The following NTM variants were observed in gnomAD, a reference collection of about 807,000 sequenced individuals.
NTM encodes IgLON family member 2.
In NTM, 13 loss-of-function variants were observed where a neutral mutation model predicts 42.1. That is an observed-to-expected ratio of 0.31 (90% CI 0.20 to 0.49). The LOEUF (loss-of-function observed/expected upper bound fraction) is 0.49, where lower values mean the gene tolerates loss of function less well. NTM is among the 20% of genes least tolerant of loss of function. The pLI is 0.99. For missense variants in NTM, 373 were observed against 452.8 expected (o/e 0.82, Z 1.60); for synonymous variants, 187 against 179.2 (o/e 1.04, Z -0.35).
chr11:132,207,965 GA>G (rs1247577488), intron 3 of NTM, among the ~76,000 whole-genome samples: 1 of 152,166 alleles, frequency 6.6e-6, no homozygotes, highest in Admixed American at 6.5e-5. Flanking sequence ...ACTCCTTGAG[GA>G]AAAGGATGGT....
At position 131,505,051 on chromosome 11, in the gene NTM, G is replaced by A. The variant is rs148472977; in HGVS notation, c.82+134163G>A. On this transcript the variant is annotated intron_variant, in intron 1 of 8. Transcript: ENST00000683400. The stretch of plus-strand genomic sequence containing the variant: ...GTGGGGTATACTGCAGGGGAAAGAG[G>A]TGTGGTCTCAGAGTCATGAAACCTA... 4.8e-3 allele frequency among the ~76,000 whole-genome samples: 725 copies of A among 152,216 alleles called. 5 individuals are homozygous for A. Among genetic ancestry groups the A allele is most frequent in the African/African-American group, 0.016 (666 of 41,514 alleles).
chr11:132,170,373 C>T (rs982333022), intron 3 of NTM, among the ~76,000 whole-genome samples: 4 of 152,202 alleles, frequency 2.6e-5, no homozygotes, highest in Non-Finnish European at 5.9e-5. Flanking sequence ...TATTTGAACA[C>T]TGTCAGTGAT....
intron 1 of NTM, among the ~76,000 whole-genome samples, chr11:131,748,376 C>T (rs1408076973): frequency 6.6e-6 from 1 of 152,230 alleles, no homozygotes. Context: ...TGCAGCTAAG[C>T]AGACGCCGCA....
intron 1 of NTM, among the ~76,000 whole-genome samples, chr11:131,786,767 A>G (rs942835258): frequency 6.6e-6 from 1 of 152,212 alleles, no homozygotes; most frequent in African/African-American, 2.4e-5. Flanking sequence ...GGCTATTCCC[A>G]TCATCAACAC....
chr11:131,927,617 T>C (rs923308985), intron 2 of NTM, among the ~76,000 whole-genome samples: 2 of 152,232 alleles, frequency 1.3e-5, no homozygotes, highest in Non-Finnish European at 2.9e-5. Flanking sequence ...GCACACAGTT[T>C]CAACAGACTT....
intron 1 of NTM, among the ~76,000 whole-genome samples, chr11:131,611,108 T>G (rs559031419): frequency 9.2e-5 from 14 of 152,102 alleles, no homozygotes; most frequent in African/African-American, 2.7e-4. Context: ...CATCTCTGAG[T>G]GTAGGAAGAG....
chr11:131,523,111 G>A (rs1035227710), intron 1 of NTM, among the ~76,000 whole-genome samples: 1 of 152,174 alleles, frequency 6.6e-6, no homozygotes, highest in African/African-American at 2.4e-5. Flanking sequence ...CCGACTTAGT[G>A]TCCCTTTTTC....
At chr11:131,655,320 C>T (rs941448738) in intron 1 of NTM, among the ~76,000 whole-genome samples, 3 of 152,224 alleles carry the variant, frequency 2.0e-5, no homozygotes, top group Non-Finnish European at 4.4e-5. Flanking sequence ...CCAGAGCTAT[C>T]CTTTGTGTTT....
chr11:131,894,314 A>G lies in NTM; in HGVS notation c.83-17250A>G, dbSNP rs372139758. ...GGCCTAAAGGCACTTTCACCCATAC[A>G]TGGGTCATCCCCACCAACAGATTCA... On this transcript the variant is annotated intron_variant, in intron 1 of 8. Transcript: ENST00000683400. Among the ~76,000 whole-genome samples, 286 of 152,338 alleles carry G rather than the reference A, an allele frequency of 1.9e-3. 2 individuals carry two copies. Among genetic ancestry groups the G allele is most frequent in the African/African-American group, 6.6e-3 (275 of 41,586 alleles).
At chr11:131,411,264 G>T (rs1030897504) in intron 1 of NTM, among the ~76,000 whole-genome samples, 1 of 152,158 alleles carries the variant, frequency 6.6e-6, no homozygotes, top group Non-Finnish European at 1.5e-5. Flanking sequence ...GCAATGATTT[G>T]TTTATATGGA....
In NTM at chr11:131,565,645, T is replaced by C. The variant is rs183326331; in HGVS notation, c.82+194757T>C. On this transcript the variant is annotated intron_variant, in intron 1 of 8. Transcript: ENST00000683400. ...TTGAGTGAGCAAGTAAGTGCCTTTATGTTCTCCATTTTTAGAGCAAAAATT... is the reference window on the plus strand; with the variant it reads ...TTGAGTGAGCAAGTAAGTGCCTTTACGTTCTCCATTTTTAGAGCAAAAATT... 2.1e-3 allele frequency among the ~76,000 whole-genome samples: 320 copies of C among 152,336 alleles called. 3 individuals are homozygous for C. Among genetic ancestry groups the C allele is most frequent in the African/African-American group, 7.3e-3 (303 of 41,586 alleles).
chr11:131,773,915 CT>C, intron 1 of NTM: 1 of 631,154 alleles, frequency 1.6e-6, no homozygotes, highest in African/African-American at 2.0e-5. Context: ...TCAGCTACGA[CT>C]GCTGGACTCA....
intron 4 of NTM, among the ~76,000 whole-genome samples, chr11:132,244,247 T>A (rs1336175248): frequency 6.6e-6 from 1 of 152,184 alleles, no homozygotes; most frequent in Non-Finnish European, 1.5e-5. Context: ...TGGCCACATA[T>A]GTGTGCTCAT....
intron 8 of NTM, among the ~76,000 whole-genome samples, chr11:132,333,385 C>T (rs1166574278): frequency 3.3e-5 from 5 of 152,104 alleles, no homozygotes; most frequent in Non-Finnish European, 5.9e-5. Context: ...GGCTTCTCTC[C>T]TTTGATTCCA....
intron 1 of NTM, among the ~76,000 whole-genome samples, chr11:131,518,722 C>G (rs144824605): frequency 1.3e-5 from 2 of 152,308 alleles, no homozygotes; most frequent in African/African-American, 4.8e-5. Context: ...CTTTCCTCAT[C>G]TTTCCTGCTT....
intron 1 of NTM, among the ~76,000 whole-genome samples, chr11:131,585,029 G>C (rs1038862980): frequency 3.3e-5 from 5 of 152,234 alleles, no homozygotes; most frequent in Middle Eastern, 3.2e-3. Flanking sequence ...GTGACGTTCT[G>C]TTTTGTTCTT....
intron 2 of NTM, among the ~76,000 whole-genome samples, chr11:131,955,077 G>A (rs2061420181): frequency 6.6e-6 from 1 of 152,086 alleles, no homozygotes; most frequent in African/African-American, 2.4e-5. Context: ...TCTTCCAGTG[G>A]TATTGTGGCA....
At chr11:131,779,392 T>C (rs2087647284) in intron 1 of NTM, among the ~76,000 whole-genome samples, 1 of 152,180 alleles carries the variant, frequency 6.6e-6, no homozygotes, top group South Asian at 2.1e-4. Context: ...TATAACTATA[T>C]ACAACATTTC....
intron 2 of NTM, among the ~76,000 whole-genome samples, chr11:132,142,007 T>G (rs2069260118): frequency 6.6e-6 from 1 of 152,178 alleles, no homozygotes; most frequent in Admixed American, 6.5e-5. Flanking sequence ...GAGCTGGAGT[T>G]GCAGGGCCCA....
Sources: allele counts gnomAD v4.1 joint callset (sites outside exome capture counted in the v4.1 genomes callset), GRCh38; gene constraint gnomAD v4.1.1; transcripts MANE v1.5; gene names NCBI Gene and HGNC (gene_info 2026-07-23, HGNC 2026-07-21).